ADAMTS6: variants seen among roughly 807,000 people sequenced by gnomAD.
ADAMTS6 encodes A disintegrin and metalloproteinase with thrombospondin motifs 6.
A neutral mutation model predicts 144.3 loss-of-function variants in ADAMTS6; 23 were observed. The ratio of observed to expected loss-of-function variants is 0.16; its 90% CI spans 0.11 to 0.23. ADAMTS6 has a LOEUF of 0.23. ADAMTS6 is among the 10% of genes least tolerant of loss of function. The probability of loss-of-function intolerance (pLI) is 1.00; values close to 1 mark genes in which losing one functional copy is unlikely to be tolerated. For synonymous variants in ADAMTS6, 444 were observed against 457.5 expected, an observed-to-expected ratio of 0.97 and a Z score of 0.38; for missense variants, 999 against 1,379.6, an observed-to-expected ratio of 0.72 and a Z score of 4.37.
intron 7 of ADAMTS6, among the ~76,000 whole-genome samples, chr5:65,387,556 C>G (rs1752578012): frequency 6.6e-6 from 1 of 152,166 alleles, no homozygotes; most frequent in Non-Finnish European, 1.5e-5. Context: ...AAGGATACAA[C>G]AAGACACTGG....
chr5:65,209,596 T>A (rs1756353811), intron 20 of ADAMTS6, among the ~76,000 whole-genome samples: 2 of 152,322 alleles, frequency 1.3e-5, no homozygotes, highest in South Asian at 4.1e-4. Context: ...AGAAAAAGTC[T>A]CAAGCTTCTT....
At chr5:65,177,660 T>C (rs1754062947) in intron 22 of ADAMTS6, among the ~76,000 whole-genome samples, 1 of 152,228 alleles carries the variant, frequency 6.6e-6, no homozygotes, top group South Asian at 2.1e-4. Flanking sequence ...TACATTCATT[T>C]TACTCGAGGA....
intron 4 of ADAMTS6, among the ~76,000 whole-genome samples, chr5:65,453,347 T>G (rs568154172): frequency 3.9e-4 from 60 of 152,312 alleles, no homozygotes; most frequent in Non-Finnish European, 6.8e-4. Flanking sequence ...ATTCCAAAGA[T>G]ACTTTTGATT....
rs1758730713 is a variant in ADAMTS6 at position 65,451,422 on chromosome 5, C to T, written c.1073+53G>A. 1.9e-6 allele frequency: 3 copies of T among 1,601,624 alleles called. No homozygotes were observed. In the Admixed American group the frequency reaches 5.2e-5, roughly 28 times the overall value. On this transcript the variant is annotated intron_variant, in intron 7 of 24. Coordinates refer to ENST00000381055, the MANE Select transcript of ADAMTS6 (RefSeq NM_197941.4). ...GCTTTACATAGAACCAAATTTATTA[C>T]AATAGTGAATAAACACAACAATCAA...
chr5:65,459,946 A>C (rs1267332541), intron 4 of ADAMTS6, among the ~76,000 whole-genome samples: 1 of 152,236 alleles, frequency 6.6e-6, no homozygotes, highest in Non-Finnish European at 1.5e-5. Flanking sequence ...CAACCAAAAA[A>C]AGAAAATGAA....
intron 11 of ADAMTS6, among the ~76,000 whole-genome samples, chr5:65,274,649 G>C (rs1456429225): frequency 2.6e-5 from 4 of 152,082 alleles, no homozygotes; most frequent in African/African-American, 4.8e-5. Flanking sequence ...ACCAGGCAGA[G>C]AGGAGATATA....
chr5:65,452,397 A>G (rs1306083619), intron 5 of ADAMTS6, among the ~76,000 whole-genome samples, 181 bp from the exon 6 acceptor site: 1 of 152,064 alleles, frequency 6.6e-6, no homozygotes, highest in Non-Finnish European at 1.5e-5. Flanking sequence ...GTCTACCTCA[A>G]TAAATATTTC....
intron 14 of ADAMTS6, 56 bp downstream of exon 14, chr5:65,260,544 C>T: frequency 6.9e-7 from 1 of 1,452,390 alleles, no homozygotes; most frequent in Non-Finnish European, 9.5e-7. Flanking sequence ...AAAAAATTTC[C>T]CTACTCTAGG....
At chr5:65,357,404 A>G (rs1449644824) in intron 7 of ADAMTS6, among the ~76,000 whole-genome samples, 1 of 151,728 alleles carries the variant, frequency 6.6e-6, no homozygotes, top group African/African-American at 2.4e-5. Flanking sequence ...TAGATACATT[A>G]AGAATAAAGA....
intron 7 of ADAMTS6, among the ~76,000 whole-genome samples, chr5:65,398,348 G>A (rs1297709202): frequency 1.3e-5 from 2 of 152,150 alleles, no homozygotes; most frequent in Admixed American, 1.3e-4. Context: ...TATGTCTCTT[G>A]CAGAACTGAC....
intron 12 of ADAMTS6, among the ~76,000 whole-genome samples, chr5:65,266,302 C>G (rs1368580960): frequency 6.6e-6 from 1 of 151,890 alleles, no homozygotes; most frequent in African/African-American, 2.4e-5. Context: ...GTCTACACAA[C>G]AGTAGTATTT....
At chr5:65,202,874 CTTCTTTG>C (rs1755828047) in intron 20 of ADAMTS6, among the ~76,000 whole-genome samples, 1 of 152,138 alleles carries the variant, frequency 6.6e-6, no homozygotes, top group South Asian at 2.1e-4. Context: ...AGTTTTCATT[CTTCTTTG>C]TAAAATGAGG....
intron 9 of ADAMTS6, among the ~76,000 whole-genome samples, chr5:65,318,808 C>T (rs1360575628): frequency 1.3e-5 from 2 of 152,052 alleles, no homozygotes; most frequent in African/African-American, 4.8e-5. Context: ...ACAAAACCTA[C>T]TACCTGATAC....
chr5:65,383,909 G>A (rs748194673), intron 7 of ADAMTS6, among the ~76,000 whole-genome samples: 4 of 152,170 alleles, frequency 2.6e-5, no homozygotes, highest in Non-Finnish European at 4.4e-5. Flanking sequence ...CAGTCATGAA[G>A]ATGCTACTGC....
intron 7 of ADAMTS6, among the ~76,000 whole-genome samples, chr5:65,355,175 G>C (rs1749204071): frequency 6.6e-6 from 1 of 151,624 alleles, no homozygotes; most frequent in Non-Finnish European, 1.5e-5. Flanking sequence ...CCTTAACACT[G>C]ACACTGCTTC....
chr5:65,427,613 A>G (rs1398623484), intron 7 of ADAMTS6, among the ~76,000 whole-genome samples: 2 of 152,126 alleles, frequency 1.3e-5, no homozygotes, highest in African/African-American at 2.4e-5. Context: ...CGTGGCTAAC[A>G]TGGTGAAACC....
chr5:65,451,603 G>T lies in ADAMTS6; in HGVS notation c.945C>A (p.Asn315Lys). 6.2e-7 allele frequency: 1 copy of T among 1,612,540 alleles called. No individual in the cohort carries two copies. The highest frequency in any genetic ancestry group is 8.5e-7 in the Non-Finnish European group (1 of 1,179,346). Residue 315 changes from asparagine (N) to lysine (K), a missense_variant, in exon 7 of 25, where the codon AAC becomes AAA. By Grantham distance (94) the Asn-to-Lys change is moderately conservative. This residue lies in a region of ADAMTS6 where 128 missense variants were observed against 249.0 expected (regional missense o/e 0.51). Transcript: ENST00000381055. Reference sequence around the variant, plus strand: ...TATCGAGGGACTTGTCTGCATGGTGGTTTATCTCCAAGTTTGGCTGCAATA... The same window carrying T: ...TATCGAGGGACTTGTCTGCATGGTGTTTTATCTCCAAGTTTGGCTGCAATA... ...LTEDQPNLEI[N>K]HHADKSLDSF...
intron 21 of ADAMTS6, among the ~76,000 whole-genome samples, chr5:65,191,018 C>T (rs777930705): frequency 6.6e-6 from 1 of 152,042 alleles, no homozygotes; most frequent in Non-Finnish European, 1.5e-5. Flanking sequence ...CTTTCTCTGT[C>T]TTCTTTCCCT....
At chr5:65,456,315 A>C (rs1689595885) in intron 4 of ADAMTS6, among the ~76,000 whole-genome samples, 1 of 152,176 alleles carries the variant, frequency 6.6e-6, no homozygotes, top group Non-Finnish European at 1.5e-5. Flanking sequence ...TTTTGATTAG[A>C]TTATAGCATG....
Sources: gnomAD v4.1 joint callset for allele counts (sites outside exome capture counted in the v4.1 genomes callset) on GRCh38, gnomAD v4.1.1 for gene constraint, gnomAD v4.1.1 regional missense constraint, MANE v1.5 for transcripts, NCBI Gene and HGNC (gene_info 2026-07-23, HGNC 2026-07-21) for gene names.